The following CPSF4L variants were observed in gnomAD, a reference collection of about 807,000 sequenced individuals.
CPSF4L encodes putative cleavage and polyadenylation specificity factor subunit 4-like protein.
A neutral mutation model predicts 24.0 loss-of-function variants in CPSF4L; 18 were observed. That is an observed-to-expected ratio of 0.75 (90% confidence interval 0.52 to 1.11). The LOEUF (loss-of-function observed/expected upper bound fraction) is 1.11. Among genes scored for constraint, CPSF4L ranks in the 50% least tolerant of loss-of-function variants. CPSF4L has a pLI of 0.00. For missense variants in CPSF4L, 211 were observed against 221.8 expected (o/e 0.95, Z 0.31); for synonymous variants, 72 against 77.2 (o/e 0.93, Z 0.35).
chr17:73,243,011 T>C, the CPSF4L span: 2 of 1,600,530 alleles, frequency 1.2e-6, no homozygotes, highest in African/African-American at 1.3e-5. Context: ...TGAGTAAGTC[T>C]TTCTATATTT....
chr17:73,244,574 A>AAC (rs1223729595), downstream of CPSF4L: 1 of 151,536 alleles, frequency 6.6e-6, no homozygotes, highest in Non-Finnish European at 1.5e-5. Context: ...AAAAAAAAAA[A>AAC]AAAAAAAAAC....
intron 5 of CPSF4L, among the ~76,000 whole-genome samples, chr17:73,249,297 G>A (rs938829322): frequency 2.4e-4 from 37 of 152,152 alleles, no homozygotes; most frequent in African/African-American, 6.3e-4. Flanking sequence ...GCTTTGTGCC[G>A]AGTGCCATGC....
At position 73,261,706 on chromosome 17, in the gene CPSF4L, C is replaced by A. The variant is rs2062047138; in HGVS notation, c.103+10G>T. On this transcript the variant is annotated intron_variant, in intron 1 of 5. Coordinates refer to ENST00000344935, the MANE Select transcript of CPSF4L (RefSeq NM_001129885.1). ...GGTAGGGGAGGGAAAGTGGCCCCAC[C>A]CTCACTCACTGTCCATGCCCTGGAA... The A allele has an allele frequency of 1.3e-6, 2 of 1,528,006 alleles. No homozygotes were observed. Among genetic ancestry groups the A allele is most frequent in the Admixed American group, 2.0e-5 (1 of 50,962 alleles). The allele number at this position is 1,528,006 out of a possible 1,614,324, so 94.7% of individuals were successfully genotyped here.
chr17:73,258,345 G>C (rs2062031642), intron 2 of CPSF4L, among the ~76,000 whole-genome samples: 1 of 151,212 alleles, frequency 6.6e-6, no homozygotes, highest in Non-Finnish European at 1.5e-5. Context: ...TCGCTCTGTT[G>C]CCCATGCTAG....
chr17:73,246,350 G>A (rs938005957), downstream of CPSF4L, among the ~76,000 whole-genome samples: 2 of 152,016 alleles, frequency 1.3e-5, no homozygotes, highest in African/African-American at 4.8e-5. Flanking sequence ...TGTGCAATGT[G>A]GTGAAATCCA....
chr17:73,260,927 A>C lies in CPSF4L; in HGVS notation c.154+6T>G. 1 of 1,550,540 alleles carries C rather than the reference A, an allele frequency of 6.4e-7. No individual in the cohort carries two copies. Among genetic ancestry groups the C allele is most frequent in the South Asian group, 1.2e-5 (1 of 84,034 alleles). On this transcript the variant is annotated splice_donor_region_variant and intron_variant, in intron 2 of 5. Transcript: ENST00000344935. ...GCTTGGGGCCCAGGCCTGTCTGCTA[A>C]CTCACCTTTCTCACAGAGCCCTTTA...
upstream of CPSF4L, among the ~76,000 whole-genome samples, chr17:73,262,563 T>C (rs531405745): frequency 1.3e-5 from 2 of 152,342 alleles, no homozygotes; most frequent in South Asian, 2.1e-4. Flanking sequence ...ACCCCACCCC[T>C]GAGAAAGTGC....
chr17:73,251,538 G>A (rs150669727), intron 5 of CPSF4L, among the ~76,000 whole-genome samples: 224 of 152,290 alleles, frequency 1.5e-3, no homozygotes, highest in African/African-American at 5.1e-3. Flanking sequence ...ACACCAAACA[G>A]TGCATATTTT....
At chr17:73,242,141 T>C in the CPSF4L span, 1 of 666,282 alleles carries the variant, frequency 1.5e-6, no homozygotes, top group South Asian at 2.2e-5. Context: ...CTGTTTAGAA[T>C]ATGCTCTTCC....
At chr17:73,260,860 G>T in intron 2 of CPSF4L, 73 bp downstream of exon 2, 2 of 1,282,874 alleles carry the variant, frequency 1.6e-6, no homozygotes, top group Non-Finnish European at 1.1e-6. Flanking sequence ...GCCAGGCAGA[G>T]CCCCTGCTGG....
chr17:73,243,138 G>T, the CPSF4L span: 40 of 731,476 alleles, frequency 5.5e-5, no homozygotes, highest in Non-Finnish European at 5.4e-5. Flanking sequence ...TGGTGAATGA[G>T]CTATTGCCTG....
the CPSF4L span, chr17:73,243,093 T>TTTTGTTTTTTTTTTG: frequency 9.3e-3 from 9,235 of 990,598 alleles, 235 homozygotes; most frequent in African/African-American, 0.084. Flanking sequence ...TTTTTTTTTT[T>TTTTGTTTTTTTTTTG]TTTTTTTTAC....
chr17:73,242,929 G>T, the CPSF4L span: 1 of 1,614,020 alleles, frequency 6.2e-7, no homozygotes, highest in Non-Finnish European at 8.5e-7. Context: ...ATAAGGAAGA[G>T]TGGATTCGGT....
downstream of CPSF4L, chr17:73,245,738 A>G (rs1599401946): frequency 1.0e-6 from 1 of 984,456 alleles, no homozygotes; most frequent in African/African-American, 1.7e-5. Flanking sequence ...TAAGCCTCCG[A>G]AAAAAAGCTT....
At chr17:73,261,387 C>T (rs913624145) in intron 1 of CPSF4L, among the ~76,000 whole-genome samples, 28 of 152,278 alleles carry the variant, frequency 1.8e-4, no homozygotes, top group East Asian at 7.7e-4. Flanking sequence ...GGAGGCTGGG[C>T]GTGGTGGCTC....
the CPSF4L span, chr17:73,242,438 G>T: frequency 1.2e-6 from 1 of 842,000 alleles, no homozygotes; most frequent in Non-Finnish European, 1.8e-6. Flanking sequence ...CAAGGCTAAA[G>T]AGGAGAGGAA....
At chr17:73,260,488 C>T (rs1407231096) in intron 2 of CPSF4L, among the ~76,000 whole-genome samples, 7 of 152,158 alleles carry the variant, frequency 4.6e-5, no homozygotes, top group Admixed American at 1.3e-4. Context: ...GCTCCATGGC[C>T]GGGCATGGTG....
At chr17:73,242,657 G>C in the CPSF4L span, among the ~76,000 whole-genome samples, 2 of 152,120 alleles carry the variant, frequency 1.3e-5, no homozygotes, top group Non-Finnish European at 2.9e-5. Context: ...AAGTTAACCA[G>C]TTGTATTAGC....
the CPSF4L span, chr17:73,243,031 A>G: frequency 6.4e-7 from 1 of 1,563,242 alleles, no homozygotes; most frequent in Non-Finnish European, 8.8e-7. Context: ...TCTAGCCTAA[A>G]TAACAGGTCC....
Sources: gnomAD v4.1 joint callset for allele counts (sites outside exome capture counted in the v4.1 genomes callset) on GRCh38, gnomAD v4.1.1 for gene constraint, MANE v1.5 for transcripts, NCBI Gene and HGNC (gene_info 2026-07-23, HGNC 2026-07-21) for gene names.